Variants in CLIC5 observed in about 807,000 individuals in gnomAD.
CLIC5 encodes CLIC family member 5.
CLIC5 carries 20 observed loss-of-function variants against 24.7 expected under a neutral mutation model. The observed-to-expected ratio is 0.81, with a 90% CI of 0.57 to 1.18. The LOEUF (loss-of-function observed/expected upper bound fraction) is 1.18. Among genes scored for constraint, CLIC5 ranks in the 50% most tolerant of loss-of-function variants. CLIC5 has a pLI of 0.00. For missense variants in CLIC5, 341 were observed against 326.1 expected (o/e 1.05, Z -0.35); for synonymous variants, 159 against 135.6 (o/e 1.17, Z -1.20).
chr6:46,085,912 C>T, the CLIC5 span, among the ~76,000 whole-genome samples: 6 of 152,290 alleles, frequency 3.9e-5, no homozygotes, highest in African/African-American at 7.2e-5. Context: ...TCAAGTTTCC[C>T]GGCTGCTTTG....
At chr6:46,005,148 A>G (rs1458036935) in intron 1 of CLIC5, among the ~76,000 whole-genome samples, 1 of 152,208 alleles carries the variant, frequency 6.6e-6, no homozygotes, top group Non-Finnish European at 1.5e-5. Context: ...GATGTTTAAG[A>G]GAATAACTGG....
At chr6:45,915,835 C>T (rs925525354) in intron 4 of CLIC5, among the ~76,000 whole-genome samples, 1 of 152,186 alleles carries the variant, frequency 6.6e-6, no homozygotes, top group Middle Eastern at 3.2e-3. Flanking sequence ...AAACTTTCTA[C>T]TTGAGCTCAA....
chr6:46,086,877 A>G, the CLIC5 span, among the ~76,000 whole-genome samples: 1 of 152,142 alleles, frequency 6.6e-6, no homozygotes, highest in African/African-American at 2.4e-5. Context: ...CACTGTGCAC[A>G]TGCCACTCTC....
At chr6:45,935,002 G>A (rs2127356678) in intron 4 of CLIC5, among the ~76,000 whole-genome samples, 1 of 152,326 alleles carries the variant, frequency 6.6e-6, no homozygotes, top group African/African-American at 2.4e-5. Flanking sequence ...GAAGCATAAG[G>A]AAAGAGAGAT....
At chr6:45,941,084 A>C (rs1228752081) in intron 4 of CLIC5, among the ~76,000 whole-genome samples, 1 of 152,134 alleles carries the variant, frequency 6.6e-6, no homozygotes, top group Non-Finnish European at 1.5e-5. Context: ...TCTGCCTTCC[A>C]CATTTGCCAC....
intron 4 of CLIC5, chr6:45,919,044 G>A (rs1763145192): frequency 1.0e-6 from 1 of 985,202 alleles, no homozygotes; most frequent in South Asian, 4.7e-5. Context: ...CAACTGCTAT[G>A]GTCTTCCTTA....
At position 45,903,202 on chromosome 6, in the gene CLIC5, C is replaced by T. The variant is rs774779406; in HGVS notation, c.642G>A (p.Leu214=). 9.3e-6 allele frequency: 15 copies of T among 1,612,142 alleles called. No homozygotes were observed. In the East Asian group the frequency reaches 3.3e-4, roughly 36 times the overall value. ...CATAGGCGTTCTTGAGGTACCGCCACAGGCCTGTCATCTCAGCCGGGATAT... is the reference window on the plus strand; with the variant it reads ...CATAGGCGTTCTTGAGGTACCGCCATAGGCCTGTCATCTCAGCCGGGATAT... ...NYDIPAEMTG[L]WRYLKNAYAR... The change falls in exon 6 of 6, where the codon CTG becomes CTA. Residue 214 remains leucine (L), a synonymous_variant. Transcript: ENST00000339561.
intron 1 of CLIC5, among the ~76,000 whole-genome samples, chr6:45,995,027 G>T (rs1488621444): frequency 6.6e-6 from 1 of 152,148 alleles, no homozygotes; most frequent in African/African-American, 2.4e-5. Context: ...AAAGGGATGG[G>T]AAGAAAGAAT....
At chr6:45,903,577 G>A (rs2127294524) in intron 5 of CLIC5, among the ~76,000 whole-genome samples, 1 of 152,252 alleles carries the variant, frequency 6.6e-6, no homozygotes, top group East Asian at 1.9e-4. Flanking sequence ...AACAAAAATG[G>A]TGCACAGCGC....
chr6:45,957,460 C>T (rs1395194284), intron 1 of CLIC5, among the ~76,000 whole-genome samples: 1 of 152,078 alleles, frequency 6.6e-6, no homozygotes, highest in Admixed American at 6.5e-5. Flanking sequence ...GGCTAGAGAT[C>T]CAGTGCTCTG....
chr6:46,068,710 A>G (rs1470672065), intron 1 of CLIC5, among the ~76,000 whole-genome samples: 1 of 152,114 alleles, frequency 6.6e-6, no homozygotes, highest in Admixed American at 6.6e-5. Context: ...ATCCAAAATG[A>G]CTGGTGTTCT....
intron 1 of CLIC5, among the ~76,000 whole-genome samples, chr6:45,990,347 G>C (rs114100954): frequency 0.016 from 2,366 of 152,178 alleles, 71 homozygotes; most frequent in African/African-American, 0.055. Flanking sequence ...AGTGAGTTAG[G>C]GGCAGCTAAA....
At chr6:46,010,824 C>A (rs183542064) in intron 1 of CLIC5, among the ~76,000 whole-genome samples, 20 of 152,276 alleles carry the variant, frequency 1.3e-4, no homozygotes, top group Non-Finnish European at 4.4e-5. Context: ...GCGTTATTGA[C>A]TACAGATCAA....
intron 1 of CLIC5, among the ~76,000 whole-genome samples, chr6:45,983,356 T>C (rs149947137): frequency 5.9e-5 from 9 of 152,314 alleles, no homozygotes; most frequent in Admixed American, 2.6e-4. Flanking sequence ...AAATGAGTAG[T>C]GTCCCTATAC....
intron 1 of CLIC5, among the ~76,000 whole-genome samples, chr6:45,978,431 G>T (rs1196103061): frequency 6.6e-6 from 1 of 152,182 alleles, no homozygotes; most frequent in Non-Finnish European, 1.5e-5. Flanking sequence ...AAATATTTCA[G>T]TGAAGGTCTA....
At chr6:46,086,838 G>A in the CLIC5 span, among the ~76,000 whole-genome samples, 1 of 152,146 alleles carries the variant, frequency 6.6e-6, no homozygotes, top group Non-Finnish European at 1.5e-5. Flanking sequence ...ACCTGATAAT[G>A]TCAGATGGTT....
rs148822496 is a variant in CLIC5, at chr6:45,956,519, C to T, written c.64-1275G>A. On this transcript the variant is annotated intron_variant, in intron 1 of 5. Transcript: ENST00000339561. ...GAAAGGGAGAAAACAAATGCGTTCT[C>T]GAAGCTCAACACACTGTTTTCTCCC... Among the ~76,000 whole-genome samples, 16 of 149,244 alleles carry T rather than the reference C, an allele frequency of 1.1e-4. No individual in the cohort carries two copies. The East Asian group carries it at 2.4e-3, about 22-fold the overall frequency.
At chr6:46,059,675 A>G (rs1762185662) in intron 1 of CLIC5, among the ~76,000 whole-genome samples, 1 of 152,218 alleles carries the variant, frequency 6.6e-6, no homozygotes, top group African/African-American at 2.4e-5. Context: ...TGAGGAAAAG[A>G]AGGCTCCATA....
chr6:46,048,150 A>T (rs1333189049), intron 1 of CLIC5, among the ~76,000 whole-genome samples: 3 of 151,968 alleles, frequency 2.0e-5, no homozygotes, highest in Non-Finnish European at 4.4e-5. Context: ...TTACAGGTGC[A>T]TGCCACCACG....
Sources: gnomAD v4.1 joint callset for allele counts (sites outside exome capture counted in the v4.1 genomes callset) on GRCh38, gnomAD v4.1.1 for gene constraint, MANE v1.5 for transcripts, NCBI Gene and HGNC (gene_info 2026-07-23, HGNC 2026-07-21) for gene names.